Variants in LRMDA observed in about 807,000 individuals in gnomAD.
The protein encoded by LRMDA is leucine rich melanocyte differentiation associated, also known as leucine-rich melanocyte differentiation-associated protein.
A neutral mutation model predicts 29.8 loss-of-function variants in LRMDA; 18 were observed. The observed-to-expected ratio is 0.60, with a 90% CI of 0.42 to 0.90. The LOEUF is 0.90. Ranked by LOEUF, LRMDA falls within the 40% of genes least tolerant of loss-of-function variation. The probability of loss-of-function intolerance (pLI) is 0.00; values close to 1 mark genes in which losing one functional copy is unlikely to be tolerated. For synonymous variants in LRMDA, 125 were observed against 109.4 expected, an observed-to-expected ratio of 1.14 and a Z score of -0.89; for missense variants, 273 against 273.9, an observed-to-expected ratio of 1.00 and a Z score of 0.02.
At chr10:76,555,108 G>T (rs996039877) in intron 6 of LRMDA, among the ~76,000 whole-genome samples, 1 of 151,976 alleles carries the variant, frequency 6.6e-6, no homozygotes, top group African/African-American at 2.4e-5. Context: ...TGGATACCTG[G>T]CAGAACTGAG....
chr10:76,393,255 C>A (rs1159362059), intron 6 of LRMDA, among the ~76,000 whole-genome samples: 1 of 152,024 alleles, frequency 6.6e-6, no homozygotes, highest in Non-Finnish European at 1.5e-5. Context: ...TGAGGAATCT[C>A]CATACTGTTT....
At chr10:75,959,465 C>A (rs964858648) in intron 2 of LRMDA, among the ~76,000 whole-genome samples, 2 of 152,326 alleles carry the variant, frequency 1.3e-5, no homozygotes, top group African/African-American at 4.8e-5. Flanking sequence ...AAGCTGTGGA[C>A]TCTTCATACT....
chr10:75,577,753 A>G (rs1840526170), intron 2 of LRMDA, among the ~76,000 whole-genome samples: 1 of 152,202 alleles, frequency 6.6e-6, no homozygotes, highest in Non-Finnish European at 1.5e-5. Flanking sequence ...TAAAGAAAAG[A>G]ATTTTCAACC....
At chr10:76,368,627 A>C (rs1345901207) in intron 6 of LRMDA, among the ~76,000 whole-genome samples, 1 of 152,078 alleles carries the variant, frequency 6.6e-6, no homozygotes, top group African/African-American at 2.4e-5. Context: ...ATTTGTTCCA[A>C]GGTATAGTTT....
intron 5 of LRMDA, among the ~76,000 whole-genome samples, chr10:76,272,690 A>G (rs758500635): frequency 6.6e-6 from 1 of 152,152 alleles, no homozygotes; most frequent in Non-Finnish European, 1.5e-5. Flanking sequence ...ACACTGCTAT[A>G]AAGATACTAC....
At chr10:75,446,082 G>T (rs1844391539) in intron 2 of LRMDA, among the ~76,000 whole-genome samples, 1 of 152,232 alleles carries the variant, frequency 6.6e-6, no homozygotes, top group South Asian at 2.1e-4. Context: ...AATACTGTCA[G>T]AGCTGCTTTG....
intron 6 of LRMDA, among the ~76,000 whole-genome samples, chr10:76,429,762 G>C (rs544570746): frequency 3.4e-4 from 51 of 152,104 alleles, no homozygotes; most frequent in Non-Finnish European, 6.2e-4. Flanking sequence ...TTAATTAATA[G>C]ATCAGCCATG....
intron 2 of LRMDA, among the ~76,000 whole-genome samples, chr10:75,718,797 T>C (rs1009229853): frequency 4.6e-5 from 7 of 152,236 alleles, no homozygotes; most frequent in African/African-American, 1.4e-4. Flanking sequence ...AATGAGTTGT[T>C]GAATATCACT....
intron 6 of LRMDA, among the ~76,000 whole-genome samples, chr10:76,488,540 A>G (rs186344428): frequency 1.3e-5 from 2 of 151,838 alleles, no homozygotes; most frequent in East Asian, 3.9e-4. Context: ...GTGTAGATAT[A>G]CAATAGTTTG....
intron 2 of LRMDA, among the ~76,000 whole-genome samples, chr10:75,961,060 G>C (rs1442803297): frequency 6.6e-6 from 1 of 152,122 alleles, no homozygotes; most frequent in Non-Finnish European, 1.5e-5. Context: ...AGGAATACTG[G>C]AGCTCATATG....
intron 2 of LRMDA, among the ~76,000 whole-genome samples, chr10:76,026,919 T>A (rs1009932759): frequency 3.9e-5 from 6 of 152,236 alleles, no homozygotes; most frequent in African/African-American, 1.4e-4. Context: ...GGGCAGCTCA[T>A]CCTTTAGTGA....
chr10:76,095,462 A>C (rs1849298498), intron 5 of LRMDA, among the ~76,000 whole-genome samples: 1 of 152,222 alleles, frequency 6.6e-6, no homozygotes. Flanking sequence ...TGTGAACATG[A>C]AATTTGTGTG....
At chr10:75,955,292 G>T (rs1846645435) in intron 2 of LRMDA, among the ~76,000 whole-genome samples, 1 of 152,174 alleles carries the variant, frequency 6.6e-6, no homozygotes, top group South Asian at 2.1e-4. Context: ...AATGCTTGAT[G>T]CAGGTTGAAA....
At chr10:76,502,605 A>G (rs533370394) in intron 6 of LRMDA, among the ~76,000 whole-genome samples, 36 of 151,684 alleles carry the variant, frequency 2.4e-4, no homozygotes, top group Non-Finnish European at 4.0e-4. Context: ...AAGTATTTTA[A>G]TTTCTTTGTA....
At chr10:76,093,437 C>T (rs961356816) in intron 5 of LRMDA, among the ~76,000 whole-genome samples, 2 of 152,056 alleles carry the variant, frequency 1.3e-5, no homozygotes, top group African/African-American at 4.8e-5. Context: ...CACTGTGTCC[C>T]TTATATCTCT....
chr10:76,503,961 T>C (rs1842936175), intron 6 of LRMDA, among the ~76,000 whole-genome samples: 2 of 151,768 alleles, frequency 1.3e-5, no homozygotes, highest in Non-Finnish European at 2.9e-5. Context: ...TGAAGGTGTT[T>C]AGCACTATAA....
At chr10:75,726,545 C>A (rs1395798767) in intron 2 of LRMDA, among the ~76,000 whole-genome samples, 1 of 152,186 alleles carries the variant, frequency 6.6e-6, no homozygotes, top group Non-Finnish European at 1.5e-5. Flanking sequence ...CGATTTCTTA[C>A]TGGCAAAAGG....
intron 2 of LRMDA, among the ~76,000 whole-genome samples, chr10:76,016,428 A>T (rs1043022088): frequency 5.9e-5 from 9 of 151,966 alleles, no homozygotes; most frequent in Non-Finnish European, 1.3e-4. Context: ...TTTAGTGTTA[A>T]CATAATAACC....
chr10:76,300,526 C>A (rs1333732723), intron 5 of LRMDA, among the ~76,000 whole-genome samples: 1 of 152,182 alleles, frequency 6.6e-6, no homozygotes, highest in Admixed American at 6.5e-5. Context: ...AAGTTAATAC[C>A]TTTCCAACAT....
Sources: allele counts gnomAD v4.1 joint callset (sites outside exome capture counted in the v4.1 genomes callset), GRCh38; gene constraint gnomAD v4.1.1; transcripts MANE v1.5; gene names NCBI Gene and HGNC (gene_info 2026-07-23, HGNC 2026-07-21).